The following PARD3 variants were observed in gnomAD, a reference collection of about 807,000 sequenced individuals.
The protein encoded by PARD3 is par-3 family cell polarity regulator.
In PARD3, 75 loss-of-function variants were observed where a neutral mutation model predicts 155.4. That is an observed-to-expected ratio of 0.48 (90% CI 0.40 to 0.58). PARD3 has a LOEUF of 0.58. Ranked by LOEUF, PARD3 falls within the 20% of genes least tolerant of loss-of-function variation. The pLI, the probability that PARD3 is intolerant of heterozygous loss-of-function variation, is 0.00. For synonymous variants in PARD3, 576 were observed against 610.5 expected, an observed-to-expected ratio of 0.94 and a Z score of 0.83; for missense variants, 1,642 against 1,721.7, an observed-to-expected ratio of 0.95 and a Z score of 0.82.
intron 5 of PARD3, among the ~76,000 whole-genome samples, chr10:34,412,835 CAGAG>C (rs1460819162): frequency 3.9e-5 from 6 of 151,942 alleles, no homozygotes; most frequent in South Asian, 2.1e-4. Context: ...GAGATGCCTT[CAGAG>C]AAAGAGACAT....
At chr10:34,673,382 C>G (rs537793694) in intron 2 of PARD3, among the ~76,000 whole-genome samples, 1 of 152,254 alleles carries the variant, frequency 6.6e-6, no homozygotes, top group Non-Finnish European at 1.5e-5. Flanking sequence ...TTACATAAAG[C>G]TAAACTTAAT....
At chr10:34,222,221 G>A (rs182065134) in intron 22 of PARD3, among the ~76,000 whole-genome samples, 4 of 152,164 alleles carry the variant, frequency 2.6e-5, no homozygotes, top group East Asian at 1.9e-4. Flanking sequence ...TTTTTCTTGC[G>A]CTCTGAATAA....
At chr10:34,211,052 G>T (rs567627608) in intron 22 of PARD3, among the ~76,000 whole-genome samples, 1 of 152,142 alleles carries the variant, frequency 6.6e-6, no homozygotes, top group Admixed American at 6.5e-5. Context: ...CGGATTAACA[G>T]AATCTACTTC....
chr10:34,756,714 T>G (rs2133987042), intron 1 of PARD3, among the ~76,000 whole-genome samples: 1 of 152,110 alleles, frequency 6.6e-6, no homozygotes, highest in Middle Eastern at 3.4e-3. Flanking sequence ...TCAGCCTCCT[T>G]AAGTCTGGGA....
At chr10:34,234,737 C>G (rs545334491) in intron 22 of PARD3, among the ~76,000 whole-genome samples, 1 of 152,272 alleles carries the variant, frequency 6.6e-6, no homozygotes, top group Non-Finnish European at 1.5e-5. Context: ...CTTTATTGAA[C>G]TCACCACTAT....
rs183163202 is a variant in PARD3, at chr10:34,110,454, G to A, written c.*715C>T. On this transcript the variant is annotated 3_prime_UTR_variant, in exon 25 of 25. Transcript: ENST00000374788. ...CACGTTCCCCACACAGAGCTGTGGTGACTCAACCCACGTGTCAGGAACAGG... is the reference window on the plus strand; with the variant it reads ...CACGTTCCCCACACAGAGCTGTGGTAACTCAACCCACGTGTCAGGAACAGG... 1 of 152,346 alleles carries A rather than the reference G, an allele frequency of 6.6e-6. No homozygotes were observed. The highest frequency in any genetic ancestry group is 1.5e-5 in the Non-Finnish European group (1 of 68,074). The allele number at this position is 152,346 out of a possible 1,614,324, so 9.4% of individuals were successfully genotyped here. A position where few individuals can be genotyped will look rare whatever the true frequency, so the allele number is the denominator to read the frequency against.
intron 2 of PARD3, among the ~76,000 whole-genome samples, chr10:34,683,513 A>G (rs80353164): frequency 1.4e-3 from 214 of 150,278 alleles, no homozygotes; most frequent in Non-Finnish European, 2.1e-3. Context: ...AAATGCAGGC[A>G]GTGTGGCTCC....
chr10:34,328,894 C>T (rs1835320326), intron 19 of PARD3, among the ~76,000 whole-genome samples: 1 of 152,056 alleles, frequency 6.6e-6, no homozygotes, highest in South Asian at 2.1e-4. Context: ...GACTGGTATG[C>T]AAAAAATAAT....
intron 17 of PARD3, chr10:34,336,463 T>C: frequency 2.0e-6 from 1 of 504,088 alleles, no homozygotes; most frequent in Non-Finnish European, 3.5e-6. Flanking sequence ...ACATGTGTGT[T>C]ATATGTTAGC....
chr10:34,528,337 C>T (rs924770934), intron 2 of PARD3, among the ~76,000 whole-genome samples: 3 of 152,166 alleles, frequency 2.0e-5, no homozygotes, highest in African/African-American at 4.8e-5. Context: ...CCCAAGACAA[C>T]GTCCACACAA....
At chr10:34,222,598 G>C (rs2133484686) in intron 22 of PARD3, among the ~76,000 whole-genome samples, 1 of 152,380 alleles carries the variant, frequency 6.6e-6, no homozygotes, top group South Asian at 2.1e-4. Flanking sequence ...TGAAGGGAGA[G>C]TGTGGTTCTC....
At chr10:34,264,316 T>C (rs1042366515) in intron 22 of PARD3, among the ~76,000 whole-genome samples, 1 of 152,182 alleles carries the variant, frequency 6.6e-6, no homozygotes, top group African/African-American at 2.4e-5. Context: ...AGGTGAGGCG[T>C]ATTCAATGCA....
intron 20 of PARD3, among the ~76,000 whole-genome samples, chr10:34,296,404 A>G (rs371151064): frequency 6.6e-6 from 1 of 152,016 alleles, no homozygotes; most frequent in East Asian, 1.9e-4. Context: ...TTAATTTTTA[A>G]GTTTTTTGTA....
chr10:34,750,327 G>A (rs918562563), intron 1 of PARD3, among the ~76,000 whole-genome samples: 6 of 151,268 alleles, frequency 4.0e-5, no homozygotes, highest in African/African-American at 1.2e-4. Flanking sequence ...ATTAATCTAT[G>A]GAAAATAGGA....
In PARD3 at chr10:34,657,225, C is replaced by T. The variant is rs552100208; in HGVS notation, c.222+39093G>A. On this transcript the variant is annotated intron_variant, in intron 2 of 24. Coordinates refer to ENST00000374788, the MANE Select transcript of PARD3 (RefSeq NM_001184785.2). ...GCCTGGGCAACAGAGGAGATCCCAC[C>T]TCTACCAAAAAAAAAAAAGTCAGAA... Among the ~76,000 whole-genome samples, 14 of 151,780 alleles carry T rather than the reference C, an allele frequency of 9.2e-5. No individual in the cohort carries two copies. In the South Asian group the frequency reaches 2.9e-3, roughly 32 times the overall value.
chr10:34,783,912 A>C (rs559552955), intron 1 of PARD3, among the ~76,000 whole-genome samples: 2 of 152,264 alleles, frequency 1.3e-5, no homozygotes, highest in South Asian at 4.1e-4. Context: ...TCTGTCATTT[A>C]AAATCAGTAT....
chr10:34,314,909 C>T (rs938875451), intron 20 of PARD3, among the ~76,000 whole-genome samples: 1 of 152,138 alleles, frequency 6.6e-6, no homozygotes, highest in African/African-American at 2.4e-5. Context: ...AAAAATTGAT[C>T]AATTGGCTCT....
At chr10:34,147,122 A>G (rs550681311) in intron 22 of PARD3, among the ~76,000 whole-genome samples, 1 of 152,132 alleles carries the variant, frequency 6.6e-6, no homozygotes, top group Admixed American at 6.5e-5. Context: ...TGAGATTTTC[A>G]TGACTCACTG....
rs901516143 is a variant in PARD3 at position 34,110,308 on chromosome 10, A to C, written c.*861T>G. ...AGAACAAAAACTAATTAAAATAATT[A>C]CTAGGATGTACTGGGCCATGAGCTC... On this transcript the variant is annotated 3_prime_UTR_variant, in exon 25 of 25. Transcript: ENST00000374788. 6.6e-6 allele frequency: 1 copy of C among 152,166 alleles called. No individual in the cohort carries two copies. The highest frequency in any genetic ancestry group is 2.4e-5 in the African/African-American group (1 of 41,442). 9.4% of individuals were successfully genotyped at this position (152,166 alleles called of 1,614,324 possible).
Sources: gnomAD v4.1 joint callset for allele counts (sites outside exome capture counted in the v4.1 genomes callset) on GRCh38, gnomAD v4.1.1 for gene constraint, MANE v1.5 for transcripts, NCBI Gene and HGNC (gene_info 2026-07-23, HGNC 2026-07-21) for gene names.